The following ADAMTS19 variants were observed in gnomAD, a reference collection of about 807,000 sequenced individuals.
The protein encoded by ADAMTS19 is A disintegrin and metalloproteinase with thrombospondin motifs 19.
Under a neutral mutation model 153.3 loss-of-function variants are expected in ADAMTS19, and 93 were observed. The ratio of observed to expected loss-of-function variants is 0.61; its 90% CI spans 0.51 to 0.72. The LOEUF (loss-of-function observed/expected upper bound fraction) is 0.72. ADAMTS19 is among the 30% of genes least tolerant of loss of function. The probability of loss-of-function intolerance (pLI) is 0.00; values close to 1 mark genes in which losing one functional copy is unlikely to be tolerated. For missense variants in ADAMTS19, 1,482 were observed against 1,552.1 expected (o/e 0.95, Z 0.76); for synonymous variants, 600 against 556.6 (o/e 1.08, Z -1.10).
At chr5:129,679,680 A>G (rs1159179096) in intron 16 of ADAMTS19, 84 bp from the exon 17 acceptor site, 6 of 1,201,012 alleles carry the variant, frequency 5.0e-6, no homozygotes, top group Non-Finnish European at 6.9e-6. Flanking sequence ...TAAATGGACT[A>G]GTTTTAACAA....
At chr5:129,563,368 A>G (rs1753591089) in intron 7 of ADAMTS19, among the ~76,000 whole-genome samples, 1 of 152,152 alleles carries the variant, frequency 6.6e-6, no homozygotes, top group Admixed American at 6.5e-5. Flanking sequence ...TATATTACAT[A>G]TTTTTAAGCC....
chr5:129,530,378 A>G (rs938420712), intron 6 of ADAMTS19, among the ~76,000 whole-genome samples: 1 of 152,188 alleles, frequency 6.6e-6, no homozygotes, highest in African/African-American at 2.4e-5. Flanking sequence ...ATTTGATGAA[A>G]GGCAACAAAT....
intron 8 of ADAMTS19, among the ~76,000 whole-genome samples, chr5:129,603,509 T>A (rs1225781143): frequency 1.3e-5 from 2 of 152,208 alleles, no homozygotes; most frequent in African/African-American, 4.8e-5. Flanking sequence ...ATAATTCCAT[T>A]TGCGTTGTGG....
chr5:129,620,271 T>C (rs1409296296), intron 8 of ADAMTS19, among the ~76,000 whole-genome samples: 1 of 152,078 alleles, frequency 6.6e-6, no homozygotes, highest in African/African-American at 2.4e-5. Flanking sequence ...AGCAAGAATC[T>C]AGTGTGGTTA....
At chr5:129,679,650 T>C in intron 16 of ADAMTS19, 114 bp from the exon 17 acceptor site, 1 of 976,596 alleles carries the variant, frequency 1.0e-6, no homozygotes, top group Non-Finnish European at 1.5e-6. Flanking sequence ...TCAGGGAATG[T>C]TGATCCATTT....
chr5:129,665,562 C>T lies in ADAMTS19; in HGVS notation c.2489C>T (p.Pro830Leu), dbSNP rs751563795. ...ARRIKVVEEK[P>L]AHSYLALRDA... ...AGAATCAAAGTTGTGGAGGAAAAGC[C>T]GGCACATAGCTATTTAGGTAACCTG... The change falls in exon 16 of 23, where the codon CCG becomes CTG. Residue 830 changes from proline to leucine, a missense_variant. Physicochemically the swap from Pro to Leu is moderately conservative, Grantham distance 98. Around this residue, in one of 2 missense-constraint regions of ADAMTS19, gnomAD observed 616 missense variants for 724.4 expected, o/e 0.85. Transcript: ENST00000274487. 1.2e-6 allele frequency: 2 copies of T among 1,609,694 alleles called. No homozygotes were observed. The highest frequency in any genetic ancestry group is 2.2e-5 in the South Asian group (2 of 90,690).
chr5:129,577,739 T>C (rs1228867559), intron 7 of ADAMTS19, among the ~76,000 whole-genome samples: 1 of 152,112 alleles, frequency 6.6e-6, no homozygotes, highest in African/African-American at 2.4e-5. Context: ...TGTATTTCTT[T>C]TTTTGACTGA....
intron 2 of ADAMTS19, among the ~76,000 whole-genome samples, chr5:129,476,483 A>T (rs925279840): frequency 6.6e-6 from 1 of 152,138 alleles, no homozygotes; most frequent in African/African-American, 2.4e-5. Context: ...CGGACAAATG[A>T]ACAAAACCCA....
intron 8 of ADAMTS19, among the ~76,000 whole-genome samples, chr5:129,597,130 A>G (rs2126921145): frequency 6.6e-6 from 1 of 152,332 alleles, no homozygotes; most frequent in Non-Finnish European, 1.5e-5. Flanking sequence ...TATAATTAAC[A>G]CATATTGAAT....
chr5:129,589,707 T>C (rs539903689), intron 7 of ADAMTS19, among the ~76,000 whole-genome samples: 1 of 152,238 alleles, frequency 6.6e-6, no homozygotes, highest in Admixed American at 6.5e-5. Flanking sequence ...ATCATCATTT[T>C]TCTCTAGTTT....
intron 2 of ADAMTS19, among the ~76,000 whole-genome samples, chr5:129,462,010 C>A (rs1167130781): frequency 6.6e-6 from 1 of 152,178 alleles, no homozygotes; most frequent in African/African-American, 2.4e-5. Context: ...TTCAAAACTG[C>A]GTGAAACTCT....
At chr5:129,616,171 A>G (rs893916962) in intron 8 of ADAMTS19, among the ~76,000 whole-genome samples, 4 of 152,026 alleles carry the variant, frequency 2.6e-5, no homozygotes, top group African/African-American at 7.2e-5. Context: ...AATATATTGT[A>G]TATCTGAATG....
intron 10 of ADAMTS19, among the ~76,000 whole-genome samples, chr5:129,625,373 A>G (rs1417529635): frequency 6.6e-6 from 1 of 152,156 alleles, no homozygotes; most frequent in African/African-American, 2.4e-5. Flanking sequence ...CACTGTGTCA[A>G]ATGGTATTTC....
At chr5:129,468,703 G>A (rs1749960855) in intron 2 of ADAMTS19, among the ~76,000 whole-genome samples, 1 of 151,926 alleles carries the variant, frequency 6.6e-6, no homozygotes, top group South Asian at 2.1e-4. Flanking sequence ...TTGTTGTTAT[G>A]GTGAGGTTGA....
chr5:129,680,691 G>T (rs1754762315), intron 17 of ADAMTS19, among the ~76,000 whole-genome samples: 1 of 151,716 alleles, frequency 6.6e-6, no homozygotes, highest in South Asian at 2.1e-4. Context: ...GAACCCAAGA[G>T]GCGGAGGTTG....
chr5:129,625,539 T>C (rs983266957), intron 10 of ADAMTS19, among the ~76,000 whole-genome samples: 1 of 152,224 alleles, frequency 6.6e-6, no homozygotes, highest in Non-Finnish European at 1.5e-5. Context: ...CTAACTGGTG[T>C]GAGATGGTAT....
intron 19 of ADAMTS19, 63 bp downstream of exon 19, chr5:129,694,918 A>T: frequency 7.4e-7 from 1 of 1,356,712 alleles, no homozygotes; most frequent in Admixed American, 2.6e-5. Flanking sequence ...CCTTTAAAAC[A>T]TGCTCAGAAT....
chr5:129,529,469 C>T (rs1020407340), intron 6 of ADAMTS19, among the ~76,000 whole-genome samples: 2 of 152,136 alleles, frequency 1.3e-5, no homozygotes, highest in Non-Finnish European at 2.9e-5. Context: ...AATTGGACTT[C>T]TACTTTCGGC....
intron 3 of ADAMTS19, among the ~76,000 whole-genome samples, chr5:129,513,203 A>G: frequency 7.8e-6 from 1 of 128,418 alleles, no homozygotes; most frequent in Admixed American, 7.6e-5. Flanking sequence ...AGTAACAACT[A>G]AAAAAAAAAA....
Sources: allele counts gnomAD v4.1 joint callset (sites outside exome capture counted in the v4.1 genomes callset), GRCh38; gene constraint gnomAD v4.1.1; regional missense constraint gnomAD v4.1.1; transcripts MANE v1.5; gene names NCBI Gene and HGNC (gene_info 2026-07-23, HGNC 2026-07-21).